DLGAP1: variants seen among roughly 807,000 people sequenced by gnomAD.
DLGAP1 encodes DLG associated protein 1, also known as disks large-associated protein 1.
A neutral mutation model predicts 90.8 loss-of-function variants in DLGAP1; 11 were observed. That is an observed-to-expected ratio of 0.12 (90% CI 0.08 to 0.20). The LOEUF is 0.20. DLGAP1 is among the 10% of genes least tolerant of loss of function. DLGAP1 has a pLI of 1.00. For missense variants in DLGAP1, 1,050 were observed against 1,333.8 expected (o/e 0.79, Z 3.31); for synonymous variants, 558 against 540.7 (o/e 1.03, Z -0.44).
At chr18:4,262,916 CTATTAT>C (rs569714521) in intron 1 of DLGAP1, among the ~76,000 whole-genome samples, 4,790 of 151,840 alleles carry the variant, frequency 0.032, 109 homozygotes, top group Non-Finnish European at 0.043. Context: ...ATATTGCCTT[CTATTAT>C]TATTATTATT....
chr18:3,803,318 CT>C (rs1271150445), intron 5 of DLGAP1, among the ~76,000 whole-genome samples: 3 of 152,162 alleles, frequency 2.0e-5, no homozygotes, highest in Non-Finnish European at 2.9e-5. Context: ...TCTTTCTTCA[CT>C]GAGTGGAGAA....
chr18:3,605,351 C>T (rs1052569852), intron 7 of DLGAP1, among the ~76,000 whole-genome samples: 6 of 152,322 alleles, frequency 3.9e-5, no homozygotes, highest in African/African-American at 1.4e-4. Context: ...AGTTTTTAAT[C>T]AGGCAGAGCA....
In DLGAP1 at chr18:3,556,870, C is replaced by T. The variant is rs568088654; in HGVS notation, c.2057+10620G>A. Among the ~76,000 whole-genome samples, 9 of 152,250 alleles carry T rather than the reference C, an allele frequency of 5.9e-5. No individual in the cohort carries two copies. In the South Asian group the frequency reaches 6.2e-4, roughly 11 times the overall value. On this transcript the variant is annotated intron_variant, in intron 9 of 12. Coordinates refer to ENST00000315677, the MANE Select transcript of DLGAP1 (RefSeq NM_004746.4). ...GTAGTTCATGCCTCTAATCTCAACA[C>T]GTTGGGAGGCCAAGGCATATGGATT...
At chr18:3,824,829 C>T (rs1019964636) in intron 4 of DLGAP1, among the ~76,000 whole-genome samples, 1 of 152,288 alleles carries the variant, frequency 6.6e-6, no homozygotes, top group African/African-American at 2.4e-5. Context: ...TTCAAACGGG[C>T]CAAAATAATC....
At chr18:3,984,273 A>C (rs1376863478) in intron 3 of DLGAP1, 1 of 152,110 alleles carries the variant, frequency 6.6e-6, no homozygotes, top group Admixed American at 6.6e-5. Flanking sequence ...AGAAAACCAA[A>C]ATCCCTTGTG....
chr18:4,161,088 C>A (rs2076836211), intron 1 of DLGAP1, among the ~76,000 whole-genome samples: 1 of 147,396 alleles, frequency 6.8e-6, no homozygotes, highest in South Asian at 2.2e-4. Flanking sequence ...TTTTCTTCAA[C>A]TTTTAAGTTC....
intron 2 of DLGAP1, among the ~76,000 whole-genome samples, chr18:4,009,541 G>C (rs1380052793): frequency 6.6e-6 from 1 of 152,150 alleles, no homozygotes; most frequent in Non-Finnish European, 1.5e-5. Flanking sequence ...AAGAAGGTGG[G>C]GTGCTTTCCC....
chr18:4,043,544 T>TGTTA (rs2075006350), intron 2 of DLGAP1, among the ~76,000 whole-genome samples: 5 of 148,302 alleles, frequency 3.4e-5, no homozygotes, highest in Admixed American at 6.8e-5. Flanking sequence ...GTAACCTACA[T>TGTTA]CTTATTTATT....
intron 5 of DLGAP1, among the ~76,000 whole-genome samples, chr18:3,748,024 T>C (rs3786446): frequency 0.3 from 45,913 of 152,114 alleles, 7,210 homozygotes; most frequent in East Asian, 0.44. Context: ...ACAGTGTGCA[T>C]ATTCAGAAAC....
chr18:3,633,001 T>G (rs1411707698), intron 7 of DLGAP1, among the ~76,000 whole-genome samples: 1 of 152,188 alleles, frequency 6.6e-6, no homozygotes, highest in Non-Finnish European at 1.5e-5. Context: ...GGGTATAATC[T>G]TTTTGGGGTG....
chr18:4,119,566 T>C (rs555830165), intron 2 of DLGAP1, among the ~76,000 whole-genome samples: 32 of 152,306 alleles, frequency 2.1e-4, no homozygotes, highest in African/African-American at 7.5e-4. Flanking sequence ...GGAATGTGTT[T>C]AGCAATACGG....
chr18:4,075,904 A>G (rs1312511320), intron 2 of DLGAP1, among the ~76,000 whole-genome samples: 1 of 152,220 alleles, frequency 6.6e-6, no homozygotes, highest in Non-Finnish European at 1.5e-5. Flanking sequence ...TTGTTTTATC[A>G]GAATCTGTTG....
chr18:3,510,843 A>AG (rs1368995027), intron 10 of DLGAP1, among the ~76,000 whole-genome samples: 1 of 152,274 alleles, frequency 6.6e-6, no homozygotes, highest in Non-Finnish European at 1.5e-5. Flanking sequence ...TGAGTAAGAC[A>AG]GTGATTCTCA....
At chr18:3,766,719 A>G (rs2064261212) in intron 5 of DLGAP1, among the ~76,000 whole-genome samples, 2 of 152,208 alleles carry the variant, frequency 1.3e-5, no homozygotes, top group Non-Finnish European at 2.9e-5. Context: ...AAAGCTTAAT[A>G]AGCCATAGAT....
chr18:4,017,620 C>G (rs954678496), intron 2 of DLGAP1, among the ~76,000 whole-genome samples: 4 of 152,210 alleles, frequency 2.6e-5, no homozygotes, highest in African/African-American at 9.7e-5. Flanking sequence ...AGTGCCCCTG[C>G]TGAAACTGCT....
intron 1 of DLGAP1, among the ~76,000 whole-genome samples, chr18:4,189,063 T>C (rs1206580853): frequency 6.6e-6 from 1 of 152,138 alleles, no homozygotes; most frequent in Non-Finnish European, 1.5e-5. Flanking sequence ...CTTTTCTGAT[T>C]TGTACGATAA....
chr18:4,436,917 T>C (rs1001159009), intron 1 of DLGAP1, among the ~76,000 whole-genome samples: 1 of 152,212 alleles, frequency 6.6e-6, no homozygotes, highest in Non-Finnish European at 1.5e-5. Flanking sequence ...AATAAAGTAT[T>C]TGGGTAATAT....
intron 1 of DLGAP1, among the ~76,000 whole-genome samples, chr18:4,185,386 T>C (rs968376271): frequency 1.4e-4 from 21 of 151,962 alleles, no homozygotes; most frequent in Admixed American, 9.8e-4. Context: ...CAATAGTTAT[T>C]GTTTCTGATC....
At chr18:3,611,998 C>T (rs1000646763) in intron 7 of DLGAP1, among the ~76,000 whole-genome samples, 7 of 152,250 alleles carry the variant, frequency 4.6e-5, no homozygotes, top group African/African-American at 1.7e-4. Flanking sequence ...AGTGTATCCA[C>T]TTACATTACT....
Sources: allele counts gnomAD v4.1 joint callset (sites outside exome capture counted in the v4.1 genomes callset), GRCh38; gene constraint gnomAD v4.1.1; transcripts MANE v1.5; gene names NCBI Gene and HGNC (gene_info 2026-07-23, HGNC 2026-07-21).